EEA1: variants seen among roughly 807,000 people sequenced by gnomAD.
The protein encoded by EEA1 is early endosome antigen 1.
Under a neutral mutation model 209.2 loss-of-function variants are expected in EEA1, and 111 were observed. The ratio of observed to expected loss-of-function variants is 0.53; its 90% CI spans 0.45 to 0.62. The LOEUF (loss-of-function observed/expected upper bound fraction) is 0.62. Ranked by LOEUF, EEA1 falls within the 20% of genes least tolerant of loss-of-function variation. EEA1 has a pLI of 0.00. For synonymous variants in EEA1, 536 were observed against 540.6 expected (o/e 0.99, Z 0.12); for missense variants, 1,343 against 1,530.8 (o/e 0.88, Z 2.05).
chr12:92,806,455 G>C (rs1176021518), intron 18 of EEA1, among the ~76,000 whole-genome samples: 2 of 152,076 alleles, frequency 1.3e-5, no homozygotes, highest in Admixed American at 6.5e-5. Context: ...CAGGAAATTA[G>C]AATAGCTCTA....
chr12:92,901,860 C>T (rs1359225753), intron 1 of EEA1, among the ~76,000 whole-genome samples: 1 of 152,164 alleles, frequency 6.6e-6, no homozygotes, highest in Non-Finnish European at 1.5e-5. Flanking sequence ...TGAGCCACCG[C>T]ACCCAGCCTT....
At chr12:92,902,905 TAACTA>T (rs993175521) in intron 1 of EEA1, among the ~76,000 whole-genome samples, 2 of 151,846 alleles carry the variant, frequency 1.3e-5, no homozygotes, top group African/African-American at 4.8e-5. Context: ...AAGAAACTGT[TAACTA>T]AACTACGACG....
rs1187890850 is a variant in EEA1 at position 92,772,928 on chromosome 12, T to A, written c.*3083A>T. 6.6e-6 allele frequency: 1 copy of A among 152,290 alleles called. No individual in the cohort carries two copies. The highest frequency in any genetic ancestry group is 6.6e-5 in the Admixed American group (1 of 15,228). The allele number at this position is 152,290 out of a possible 1,614,324, so 9.4% of individuals were successfully genotyped here. On this transcript the variant is annotated 3_prime_UTR_variant, in exon 29 of 29. Coordinates refer to ENST00000322349, the MANE Select transcript of EEA1 (RefSeq NM_003566.4). ...TGACTTCTAATTCTATTTTATACAA[T>A]TTTACATAAATTTAGTAAGTTTATG...
chr12:92,848,721 C>T (rs1197370985), intron 9 of EEA1, among the ~76,000 whole-genome samples: 1 of 124,268 alleles, frequency 8.0e-6, no homozygotes, highest in Non-Finnish European at 1.7e-5. Context: ...TATATTCTCA[C>T]CTTTTTTTTT....
At chr12:92,827,844 A>G in intron 12 of EEA1, 68 bp downstream of exon 12, 1 of 1,389,988 alleles carries the variant, frequency 7.2e-7, no homozygotes, top group Non-Finnish European at 9.4e-7. Flanking sequence ...GACAATTAAC[A>G]GATTGATGAA....
At chr12:92,928,893 C>G (rs1224423285) in intron 1 of EEA1, 150 bp downstream of exon 1, 3 of 628,574 alleles carry the variant, frequency 4.8e-6, no homozygotes, top group African/African-American at 2.0e-5. Flanking sequence ...CTCCCCGCCC[C>G]CGGGCCGGGC....
chr12:92,921,762 A>G (rs1386306433), intron 1 of EEA1, among the ~76,000 whole-genome samples: 2 of 145,896 alleles, frequency 1.4e-5, no homozygotes, highest in East Asian at 3.9e-4. Flanking sequence ...AAAAAAAGAA[A>G]AAAAAAAAAA....
intron 15 of EEA1, among the ~76,000 whole-genome samples, chr12:92,814,970 T>C (rs1875708479): frequency 1.3e-5 from 2 of 152,222 alleles, no homozygotes; most frequent in Non-Finnish European, 2.9e-5. Flanking sequence ...TAAGCACTTT[T>C]GGTTGACATT....
chr12:92,891,273 T>C (rs1879645584), intron 2 of EEA1, among the ~76,000 whole-genome samples: 1 of 152,146 alleles, frequency 6.6e-6, no homozygotes, highest in African/African-American at 2.4e-5. Flanking sequence ...ATGTAAATTT[T>C]ATAGATAACC....
At chr12:92,896,137 C>A (rs1879871927) in intron 1 of EEA1, among the ~76,000 whole-genome samples, 1 of 152,004 alleles carries the variant, frequency 6.6e-6, no homozygotes, top group Non-Finnish European at 1.5e-5. Context: ...CCACGCCCAG[C>A]TAATTTTTGT....
In EEA1 at chr12:92,851,137, A is replaced by ATTT; in HGVS notation, c.769_771dup (p.Lys257dup). ...TCTGAGCTAGCATATTGTGACTGCAATTTTTTGCATTCATCTTTGAGTTTT... is the reference window on the plus strand; with the variant it reads ...TCTGAGCTAGCATATTGTGACTGCAATTTTTTTTTGCATTCATCTTTGAGTTTT... On this transcript the variant is annotated inframe_insertion, in exon 9 of 29. Transcript: ENST00000322349. 2 of 1,613,696 alleles carry ATTT rather than the reference A, an allele frequency of 1.2e-6. No individual in the cohort carries two copies. Among genetic ancestry groups the ATTT allele is most frequent in the Non-Finnish European group, 1.7e-6 (2 of 1,179,878 alleles).
At chr12:92,863,436 C>T (rs1448809423) in intron 3 of EEA1, among the ~76,000 whole-genome samples, 3 of 152,320 alleles carry the variant, frequency 2.0e-5, no homozygotes, top group East Asian at 3.9e-4. Context: ...GTCCAAGCAG[C>T]CACATAAAGA....
chr12:92,860,242 G>C (rs1346442373), intron 3 of EEA1, among the ~76,000 whole-genome samples: 4 of 152,196 alleles, frequency 2.6e-5, no homozygotes, highest in African/African-American at 9.7e-5. Context: ...TCTGAAGGTT[G>C]CACACTTTAG....
chr12:92,883,458 G>C (rs1879245898), intron 2 of EEA1, among the ~76,000 whole-genome samples: 1 of 152,046 alleles, frequency 6.6e-6, no homozygotes, highest in Non-Finnish European at 1.5e-5. Flanking sequence ...AATTGCTTTT[G>C]AGGACTTAGT....
At chr12:92,821,904 A>T (rs1876070699) in intron 13 of EEA1, among the ~76,000 whole-genome samples, 1 of 150,166 alleles carries the variant, frequency 6.7e-6, no homozygotes, top group Admixed American at 6.7e-5. Flanking sequence ...CTCGAATTTA[A>T]CAAAAAAACC....
intron 1 of EEA1, among the ~76,000 whole-genome samples, chr12:92,910,254 G>A (rs772104882): frequency 6.6e-6 from 1 of 151,962 alleles, no homozygotes; most frequent in Non-Finnish European, 1.5e-5. Context: ...GGCAGATCAC[G>A]AGGTCAGGAG....
rs201996118 is a variant in EEA1, at chr12:92,802,750, A to G, written c.2340-16T>C. 2.0e-3 allele frequency: 3,049 copies of G among 1,497,034 alleles called. 7 individuals are homozygous for G. The highest frequency in any genetic ancestry group is 2.4e-3 in the Non-Finnish European group (2,689 of 1,122,222). The allele number at this position is 1,497,034 out of a possible 1,614,324, so 92.7% of individuals were successfully genotyped here. A position where few individuals can be genotyped will look rare whatever the true frequency, so the allele number is the denominator to read the frequency against. On this transcript the variant is annotated splice_polypyrimidine_tract_variant and intron_variant, in intron 18 of 28. Coordinates refer to ENST00000322349, the MANE Select transcript of EEA1 (RefSeq NM_003566.4). ...ACTGGATACTCTAAATATTTAAAAA[A>G]CAATCTTTTTAAATAACACATAATT...
chr12:92,792,210 A>G (rs1457815866), intron 21 of EEA1, among the ~76,000 whole-genome samples: 1 of 152,196 alleles, frequency 6.6e-6, no homozygotes, highest in Non-Finnish European at 1.5e-5. Flanking sequence ...CACAATTAAA[A>G]GAACTAAAGA....
At chr12:92,877,085 A>G (rs1301551277) in intron 2 of EEA1, among the ~76,000 whole-genome samples, 7 of 151,014 alleles carry the variant, frequency 4.6e-5, no homozygotes, top group African/African-American at 1.7e-4. Flanking sequence ...CTGGGATTAC[A>G]GGCATGTGCT....
Sources: allele counts gnomAD v4.1 joint callset (sites outside exome capture counted in the v4.1 genomes callset), GRCh38; gene constraint gnomAD v4.1.1; transcripts MANE v1.5; gene names NCBI Gene and HGNC (gene_info 2026-07-23, HGNC 2026-07-21).